Variants in SNAPC4 observed in about 807,000 individuals in gnomAD.
SNAPC4 encodes the protein snRNA-activating protein complex subunit 4.
SNAPC4 carries 127 observed loss-of-function variants against 151.3 expected under a neutral mutation model. The observed-to-expected ratio is 0.84, with a 90% CI of 0.73 to 0.97. The LOEUF (loss-of-function observed/expected upper bound fraction) is 0.97. SNAPC4 is among the 50% of genes least tolerant of loss of function. SNAPC4 has a pLI of 0.00. For missense variants in SNAPC4, 2,186 were observed against 1,935.0 expected (o/e 1.13, Z -2.43); for synonymous variants, 1,002 against 824.4 (o/e 1.22, Z -3.69).
chr9:136,387,397 T>TC, intron 13 of SNAPC4, 88 bp downstream of exon 13: 2 of 932,068 alleles, frequency 2.1e-6, no homozygotes, highest in South Asian at 2.6e-5. Flanking sequence ...CTGGCCGCTG[T>TC]CCCCCAGCCC....
chr9:136,383,196 T>C lies in SNAPC4; in HGVS notation c.1973A>G (p.Gln658Arg). Residue 658 changes from glutamine to arginine, a missense_variant, in exon 16 of 24, where the codon CAG (glutamine) becomes CGG (arginine). Physicochemically the swap from Gln to Arg is conservative, Grantham distance 43. Transcript: ENST00000684778. The surrounding 1 kb of genome is among the most constrained non-coding windows in gnomAD (Gnocchi z 4.2). ...ADTRPAGAEKQALEGGRRLLT... is the reference protein window; with the variant it reads ...ADTRPAGAEKRALEGGRRLLT... ...AGGGCCGGGGCCTACCTCCAGGGCC[T>C]GCTTCTCTGCGCCCGCCGGGCGAGT... is the stretch of plus-strand genomic sequence containing the variant. The C allele has an allele frequency of 1.3e-6, 2 of 1,538,816 alleles. No homozygotes were observed. Among genetic ancestry groups the C allele is most frequent in the South Asian group, 1.3e-5 (1 of 79,716 alleles).
chr9:136,394,855 T>C lies in SNAPC4; in HGVS notation c.495A>G (p.Thr165=), dbSNP rs749294993. The change falls in exon 6 of 24, where the codon ACA becomes ACG. Residue 165 remains threonine, a synonymous_variant. Transcript: ENST00000684778. ...TGVGPPANED[T]REKAAQGIKA... ...TGATCCCCTGGGCAGCCTTCTCTCGTGTGTCCTCGTTGGCAGGTGGCCCCT... is the reference window on the plus strand; with the variant it reads ...TGATCCCCTGGGCAGCCTTCTCTCGCGTGTCCTCGTTGGCAGGTGGCCCCT... 5.0e-6 allele frequency: 8 copies of C among 1,613,914 alleles called. No homozygotes were observed. The South Asian group carries it at 5.5e-5, about 11-fold the overall frequency.
intron 10 of SNAPC4, 81 bp downstream of exon 10, chr9:136,391,861 G>T (rs1048097885): frequency 3.4e-6 from 5 of 1,458,716 alleles, no homozygotes; most frequent in African/African-American, 1.4e-5. Context: ...TGGGGACCCC[G>T]CACCCGTCCA....
At chr9:136,385,095 A>G (rs1357117757) in intron 13 of SNAPC4, among the ~76,000 whole-genome samples, 1 of 152,266 alleles carries the variant, frequency 6.6e-6, no homozygotes, top group Non-Finnish European at 1.5e-5. Flanking sequence ...CAAGTCAGTC[A>G]TAACTAGACA....
At chr9:136,395,511 G>A in intron 4 of SNAPC4, 88 bp from the exon 5 acceptor site, 2 of 1,567,420 alleles carry the variant, frequency 1.3e-6, no homozygotes, top group Non-Finnish European at 8.7e-7. Context: ...GGAGAGGCAG[G>A]GAGCTGGGGA....
Position 136,378,989 on chromosome 9 carries a change from G to T in SNAPC4, c.2838C>A (p.Thr946=). The change falls in exon 22 of 24, where the codon ACC becomes ACA. Residue 946 remains threonine, a synonymous_variant. Coordinates refer to ENST00000684778, the MANE Select transcript of SNAPC4 (RefSeq NM_003086.4). ...TPHGRPAPGP[T]VLNVPLSGPG... Reference sequence around the variant, plus strand: ...GCCCAGAGAGCGGTACATTTAAGACGGTGGGACCCGGGGCTGGGCGGCCGT... The same window carrying T: ...GCCCAGAGAGCGGTACATTTAAGACTGTGGGACCCGGGGCTGGGCGGCCGT... 1 of 1,607,606 alleles carries T rather than the reference G, an allele frequency of 6.2e-7. No individual in the cohort carries two copies. The highest frequency in any genetic ancestry group is 8.5e-7 in the Non-Finnish European group (1 of 1,178,088).
rs1457549147 is a variant in SNAPC4, at chr9:136,384,702, A to T, written c.1420+18T>A. On this transcript the variant is annotated intron_variant, in intron 14 of 23. Transcript: ENST00000684778. The stretch of plus-strand genomic sequence containing the variant: ...AACAAAAAAAAGAAACTAGAAGAAC[A>T]AACTGTCAGCAACTTACCGACACCA... The T allele has an allele frequency of 8.0e-7, 1 of 1,243,202 alleles. No homozygotes were observed. The highest frequency in any genetic ancestry group is 1.3e-5 in the South Asian group (1 of 77,094). 77.0% of individuals were successfully genotyped at this position (1,243,202 alleles called of 1,614,324 possible).
rs1033850082 is a variant in SNAPC4 at position 136,376,534 on chromosome 9, G to A, written c.4285-53C>T. 1.9e-5 allele frequency: 30 copies of A among 1,603,174 alleles called. 1 individual carries two copies. The highest frequency in any genetic ancestry group is 1.7e-4 in the Middle Eastern group (1 of 6,054). ...AAGAGTGACACCCCCGAGCCATGAT[G>A]GACGGGGAAGGGACGGGAGTGAGGA... On this transcript the variant is annotated intron_variant, in intron 22 of 23. Coordinates refer to ENST00000684778, the MANE Select transcript of SNAPC4 (RefSeq NM_003086.4).
rs1223185514 is a variant in SNAPC4, at chr9:136,382,028, C to A, written c.2113G>T (p.Val705Phe). 1 of 1,605,458 alleles carries A rather than the reference C, an allele frequency of 6.2e-7. No individual in the cohort carries two copies. The highest frequency in any genetic ancestry group is 1.1e-5 in the South Asian group (1 of 90,174). The change falls in exon 18 of 24, where the codon GTC (valine) becomes TTC (phenylalanine). Residue 705 changes from valine to phenylalanine, a missense_variant. By Grantham distance (50) the Val-to-Phe change is conservative (BLOSUM62 -1). Transcript: ENST00000684778. Reference sequence around the variant, plus strand: ...CGGGCCACGCTGTCACCAGAGCTGACCCCTGGGGATGAGGTGGGCAGGGGT... The same window carrying A: ...CGGGCCACGCTGTCACCAGAGCTGAACCCTGGGGATGAGGTGGGCAGGGGT... ...QPPLPTSSPG[V>F]SSGDSVARSH... is the part of the protein sequence containing the mutation.
intron 3 of SNAPC4, 86 bp from the exon 4 acceptor site, chr9:136,395,856 TCTGGGACA>T: frequency 7.4e-7 from 1 of 1,349,220 alleles, no homozygotes; most frequent in Non-Finnish European, 1.0e-6. Context: ...TCGCTGGGCC[TCTGGGACA>T]CCGAGGCAGC....
rs779570416 is a variant in SNAPC4 at position 136,379,179 on chromosome 9, G to A, written c.2648C>T (p.Ser883Leu). ...RTLPQASLLA[S>L]TGPRPKPKTV... Reference sequence around the variant, plus strand: ...CTTGGGCTTGGGCCGGGGGCCGGTTGAAGCCAGCAGGGACGCCTGGGGTAG... The same window carrying A: ...CTTGGGCTTGGGCCGGGGGCCGGTTAAAGCCAGCAGGGACGCCTGGGGTAG... Residue 883 changes from serine to leucine, a missense_variant, in exon 22 of 24, where the codon TCA becomes TTA. Transcript: ENST00000684778. The A allele has an allele frequency of 2.8e-5, 44 of 1,599,964 alleles. No individual in the cohort carries two copies. Among genetic ancestry groups the A allele is most frequent in the Middle Eastern group, 1.7e-4 (1 of 6,052 alleles).
rs1833570403 is a variant in SNAPC4 at position 136,378,753 on chromosome 9, T to C, written c.3074A>G (p.Gln1025Arg). The stretch of plus-strand genomic sequence containing the variant: ...CCGGGATGCAGCGGGGGCCTGAGAC[T>C]GTCCGAGACCACTCTCGGGGCAGCT... ...SVSCPESGLG[Q>R]SQAPAASRKQ... Residue 1025 changes from glutamine (Q) to arginine (R), a missense_variant, in exon 22 of 24, where the codon CAG (glutamine) becomes CGG (arginine). Coordinates refer to ENST00000684778, the MANE Select transcript of SNAPC4 (RefSeq NM_003086.4). The C allele has an allele frequency of 5.9e-6, 9 of 1,525,132 alleles. No homozygotes were observed. The South Asian group carries it at 9.1e-5, about 15-fold the overall frequency. The allele number at this position is 1,525,132 out of a possible 1,614,324, so 94.5% of individuals were successfully genotyped here. A position where few individuals can be genotyped will look rare whatever the true frequency, so the allele number is the denominator to read the frequency against.
In SNAPC4 at chr9:136,382,086, G is replaced by A. The variant is rs764767459; in HGVS notation, c.2068-13C>T. 7 of 1,570,354 alleles carry A rather than the reference G, an allele frequency of 4.5e-6. No homozygotes were observed. The East Asian group carries it at 1.6e-4, about 37-fold the overall frequency. On this transcript the variant is annotated splice_polypyrimidine_tract_variant and intron_variant, in intron 17 of 23. Transcript: ENST00000684778. Reference sequence around the variant, plus strand: ...TCAGCTGCTCTTTCTGTAAGGAGAAGGCAGCACCTGGGGCCCATGGCCAGG... The same window carrying A: ...TCAGCTGCTCTTTCTGTAAGGAGAAAGCAGCACCTGGGGCCCATGGCCAGG...
chr9:136,377,696 G>A lies in SNAPC4; in HGVS notation c.4131C>T (p.Leu1377=), dbSNP rs779979189. ...CGCCTTGGGGGGCCAGGGTGGCCAG[G>A]AGCGCAGGGAGGGTGAAGGCTGCCA... ...RFLAAFTLPA[L]LATLAPQGVR... The change falls in exon 22 of 24, where the codon CTC becomes CTT. Residue 1377 remains leucine, a synonymous_variant. Transcript: ENST00000684778. 2 of 1,608,324 alleles carry A rather than the reference G, an allele frequency of 1.2e-6. No homozygotes were observed. The highest frequency in any genetic ancestry group is 2.2e-5 in the South Asian group (2 of 90,706).
At chr9:136,380,639 C>T (rs558663627) in intron 20 of SNAPC4, 101 bp downstream of exon 20, 10 of 672,296 alleles carry the variant, frequency 1.5e-5, no homozygotes, top group African/African-American at 1.4e-4. Flanking sequence ...TGAGGGGCTG[C>T]GGTGGAGCGG....
chr9:136,392,150 GGGGCACCCTA>G, intron 9 of SNAPC4, 44 bp from the exon 10 acceptor site: 1 of 1,606,362 alleles, frequency 6.2e-7, no homozygotes, highest in Non-Finnish European at 8.5e-7. Flanking sequence ...ACTGACCCCA[GGGGCACCCTA>G]GACGCAGCTC....
chr9:136,380,010 AG>A (rs1445968738), intron 20 of SNAPC4, 146 bp from the exon 21 acceptor site: 28 of 1,427,304 alleles, frequency 2.0e-5, no homozygotes, highest in Non-Finnish European at 2.6e-5. Flanking sequence ...ACGCCTCTGT[AG>A]GAACTCCGGG....
In SNAPC4 at chr9:136,379,307, G is replaced by C. The variant is rs754563945; in HGVS notation, c.2528-8C>G. ...CGTTTGGGAAGAGGTGGCCTGTGGG[G>C]AGGAAAGACCCACACTTGATAAGCC... On this transcript the variant is annotated splice_region_variant and splice_polypyrimidine_tract_variant and intron_variant, in intron 21 of 23. Coordinates refer to ENST00000684778, the MANE Select transcript of SNAPC4 (RefSeq NM_003086.4). The C allele has an allele frequency of 6.2e-7, 1 of 1,612,246 alleles. No individual in the cohort carries two copies. The highest frequency in any genetic ancestry group is 8.5e-7 in the Non-Finnish European group (1 of 1,179,768).
intron 3 of SNAPC4, 45 bp from the exon 4 acceptor site, chr9:136,395,815 T>G (rs1226539990): frequency 1.9e-6 from 3 of 1,574,066 alleles, no homozygotes; most frequent in Non-Finnish European, 2.6e-6. Context: ...GAGACGTGGA[T>G]GCTCCCCTGT....
Sources: gnomAD v4.1 joint callset for allele counts (sites outside exome capture counted in the v4.1 genomes callset) on GRCh38, gnomAD v4.1.1 for gene constraint, Gnocchi (gnomAD v3.1) non-coding constraint, MANE v1.5 for transcripts, NCBI Gene and HGNC (gene_info 2026-07-23, HGNC 2026-07-21) for gene names.